Variants in TMTC2 observed in about 807,000 individuals in gnomAD.
TMTC2 encodes the protein transmembrane O-mannosyltransferase targeting cadherins 2.
A neutral mutation model predicts 82.4 loss-of-function variants in TMTC2; 43 were observed. The ratio of observed to expected loss-of-function variants is 0.52; its 90% confidence interval spans 0.41 to 0.67. The LOEUF (loss-of-function observed/expected upper bound fraction) is 0.67. TMTC2 is among the 30% of genes least tolerant of loss of function. The pLI is 0.00. For synonymous variants in TMTC2, 408 were observed against 381.9 expected (o/e 1.07, Z -0.80); for missense variants, 919 against 1,012.4 (o/e 0.91, Z 1.25).
At chr12:82,979,246 C>T (rs1381262348) in intron 7 of TMTC2, among the ~76,000 whole-genome samples, 2 of 151,362 alleles carry the variant, frequency 1.3e-5, no homozygotes, top group Admixed American at 1.3e-4. Context: ...ATTTTGTGGT[C>T]TTCTTTCTTT....
intron 1 of TMTC2, among the ~76,000 whole-genome samples, chr12:82,843,388 G>A (rs1175314494): frequency 1.3e-5 from 2 of 151,894 alleles, no homozygotes; most frequent in African/African-American, 2.4e-5. Flanking sequence ...TGCCCAGCAG[G>A]ACTCTTACTT....
chr12:82,707,007 C>T (rs1040995923), intron 1 of TMTC2, among the ~76,000 whole-genome samples: 2 of 152,168 alleles, frequency 1.3e-5, no homozygotes, highest in African/African-American at 4.8e-5. Context: ...TTTATTTTTG[C>T]TGGCATATTA....
At chr12:83,023,137 C>T (rs73152242) in intron 8 of TMTC2, among the ~76,000 whole-genome samples, 38 of 152,096 alleles carry the variant, frequency 2.5e-4, no homozygotes, top group Middle Eastern at 3.4e-3. Context: ...TACATATTAC[C>T]GTATTTTAAT....
rs77607666 is a variant in TMTC2, at chr12:82,803,695, A to T, written c.84-53315A>T. Among the ~76,000 whole-genome samples the T allele has an allele frequency of 6.6e-5, 10 of 152,184 alleles. No homozygotes were observed. The East Asian group carries it at 1.9e-3, about 29-fold the overall frequency. ...AACACACTGTGCATGCTCACCTCCC[A>T]AATGTTAGCAGGCCACCAGGCATGC... On this transcript the variant is annotated intron_variant, in intron 1 of 11. Coordinates refer to ENST00000321196, the MANE Select transcript of TMTC2 (RefSeq NM_152588.3).
At chr12:83,030,028 T>C (rs1397699044) in intron 8 of TMTC2, among the ~76,000 whole-genome samples, 2 of 152,152 alleles carry the variant, frequency 1.3e-5, no homozygotes, top group African/African-American at 2.4e-5. Context: ...TTCACCAAAT[T>C]GTGACTTCTT....
chr12:82,781,702 GT>G (rs1251785252), intron 1 of TMTC2, among the ~76,000 whole-genome samples: 15,409 of 126,050 alleles, frequency 0.12, 732 homozygotes, highest in Middle Eastern at 0.22. Flanking sequence ...TATTATTATT[GT>G]TTTTTTTTTT....
At chr12:82,729,979 T>A (rs1874692338) in intron 1 of TMTC2, among the ~76,000 whole-genome samples, 1 of 152,014 alleles carries the variant, frequency 6.6e-6, no homozygotes, top group Non-Finnish European at 1.5e-5. Flanking sequence ...GGTCTGCAGC[T>A]TCACTCCTGA....
At chr12:82,914,561 A>G (rs938717867) in intron 3 of TMTC2, among the ~76,000 whole-genome samples, 9 of 152,150 alleles carry the variant, frequency 5.9e-5, no homozygotes, top group Admixed American at 5.2e-4. Context: ...AGAGTATTCA[A>G]TATTGCCTTT....
intron 1 of TMTC2, among the ~76,000 whole-genome samples, chr12:82,756,473 T>C (rs2136973663): frequency 6.6e-6 from 1 of 152,346 alleles, no homozygotes; most frequent in East Asian, 1.9e-4. Context: ...ACCTTACTGA[T>C]GTGGCCTCCC....
intron 1 of TMTC2, among the ~76,000 whole-genome samples, chr12:82,687,952 G>C (rs1872408042): frequency 6.6e-6 from 1 of 152,118 alleles, no homozygotes; most frequent in Non-Finnish European, 1.5e-5. Flanking sequence ...CGGCAATTTG[G>C]GAAACTGTTT....
chr12:82,960,822 T>C (rs1342981529), intron 4 of TMTC2, among the ~76,000 whole-genome samples: 1 of 20,140 alleles, frequency 5.0e-5, no homozygotes, highest in Non-Finnish European at 8.8e-5. Context: ...ATCAGGTTTT[T>C]TTAATTTAAA....
intron 10 of TMTC2, among the ~76,000 whole-genome samples, chr12:83,052,033 A>C (rs991326517): frequency 6.6e-6 from 1 of 152,114 alleles, no homozygotes; most frequent in African/African-American, 2.4e-5. Context: ...TCTTACTTGA[A>C]TATCACTTCA....
rs1883165317 is a variant in TMTC2, at chr12:83,072,866, CGCT to C, written c.2331+11036_2331+11038del. 4.6e-5 allele frequency among the ~76,000 whole-genome samples: 7 copies of C among 151,948 alleles called. No homozygotes were observed. The South Asian group carries it at 1.5e-3, about 32-fold the overall frequency. On this transcript the variant is annotated intron_variant, in intron 11 of 11. Transcript: ENST00000321196. ...ATTCTCATGAAATGCCTTTTTTCACCGCTTTAAGTTTATGTGAGTCCTTATATG... is the reference window on the plus strand; with the variant it reads ...ATTCTCATGAAATGCCTTTTTTCACCTTAAGTTTATGTGAGTCCTTATATG...
At chr12:82,767,508 C>T (rs539173957) in intron 1 of TMTC2, among the ~76,000 whole-genome samples, 6 of 152,150 alleles carry the variant, frequency 3.9e-5, no homozygotes, top group African/African-American at 1.2e-4. Flanking sequence ...GATCACTTGA[C>T]CCAGGAAGTC....
intron 1 of TMTC2, among the ~76,000 whole-genome samples, chr12:82,741,749 C>T (rs1180271720): frequency 6.6e-6 from 1 of 152,182 alleles, no homozygotes; most frequent in Non-Finnish European, 1.5e-5. Context: ...AGTGTGGAGG[C>T]TGTAGTGTTT....
chr12:83,086,084 A>G (rs1293735973), intron 11 of TMTC2, among the ~76,000 whole-genome samples: 2 of 152,070 alleles, frequency 1.3e-5, no homozygotes, highest in East Asian at 3.9e-4. Flanking sequence ...TTTTAATTGA[A>G]AAGTAAACTT....
chr12:82,728,910 G>A (rs1311996399), intron 1 of TMTC2, among the ~76,000 whole-genome samples: 1 of 152,218 alleles, frequency 6.6e-6, no homozygotes, highest in Non-Finnish European at 1.5e-5. Context: ...CTTAGCACCT[G>A]GGCCAGCAGC....
At chr12:82,801,793 T>G (rs12827158) in intron 1 of TMTC2, among the ~76,000 whole-genome samples, 2 of 151,686 alleles carry the variant, frequency 1.3e-5, no homozygotes, top group African/African-American at 4.8e-5. Flanking sequence ...CCCACCAGAT[T>G]AGCTAGATAC....
At chr12:82,969,848 C>A (rs1878372605) in intron 7 of TMTC2, among the ~76,000 whole-genome samples, 1 of 151,434 alleles carries the variant, frequency 6.6e-6, no homozygotes, top group Non-Finnish European at 1.5e-5. Context: ...ACCTTCCCAT[C>A]CTGAATTAGG....
Sources: allele counts gnomAD v4.1 joint callset (sites outside exome capture counted in the v4.1 genomes callset), GRCh38; gene constraint gnomAD v4.1.1; transcripts MANE v1.5; gene names NCBI Gene and HGNC (gene_info 2026-07-23, HGNC 2026-07-21).